Variants in CCDC3 observed in about 807,000 individuals in gnomAD.
CCDC3 encodes the protein coiled-coil domain containing 3, also known as coiled-coil domain-containing protein 3.
CCDC3 carries 24 observed loss-of-function variants against 21.4 expected under a neutral mutation model. The observed-to-expected ratio is 1.12, with a 90% CI of 0.81 to 1.58. The LOEUF (loss-of-function observed/expected upper bound fraction) is 1.58. Among genes scored for constraint, CCDC3 ranks in the 40% most tolerant of loss-of-function variants. The probability of loss-of-function intolerance (pLI) is 0.00; values close to 1 mark genes in which losing one functional copy is unlikely to be tolerated. For missense variants in CCDC3, 425 were observed against 360.9 expected (o/e 1.18, Z -1.44); for synonymous variants, 186 against 166.0 (o/e 1.12, Z -0.93).
intron 5 of CCDC3, among the ~76,000 whole-genome samples, chr10:13,045,014 C>T (rs902137770): frequency 1.3e-5 from 2 of 152,092 alleles, no homozygotes; most frequent in African/African-American, 4.8e-5. Flanking sequence ...AATCTAAATG[C>T]CATAGCAATT....
chr10:12,987,161 G>T (rs536661074), intron 2 of CCDC3, among the ~76,000 whole-genome samples: 1 of 152,086 alleles, frequency 6.6e-6, no homozygotes. Flanking sequence ...TAAATTCATC[G>T]TCTCTCACCT....
chr10:13,043,479 G>A (rs1252032846), intron 5 of CCDC3, among the ~76,000 whole-genome samples: 1 of 152,144 alleles, frequency 6.6e-6, no homozygotes, highest in African/African-American at 2.4e-5. Flanking sequence ...TGTAGTCGCA[G>A]CTACTCGAGA....
intron 2 of CCDC3, among the ~76,000 whole-genome samples, chr10:12,947,364 T>C (rs1269240773): frequency 6.6e-6 from 1 of 152,094 alleles, no homozygotes; most frequent in African/African-American, 2.4e-5. Flanking sequence ...GCCAGGCTGG[T>C]CTGGAACTCC....
chr10:12,991,035 G>A (rs916227732), intron 2 of CCDC3, among the ~76,000 whole-genome samples: 1 of 152,170 alleles, frequency 6.6e-6, no homozygotes, highest in Non-Finnish European at 1.5e-5. Flanking sequence ...CATCTCTAAG[G>A]AATGAGTATC....
intron 2 of CCDC3, among the ~76,000 whole-genome samples, chr10:12,994,469 A>G (rs139493042): frequency 4.4e-4 from 67 of 152,148 alleles, no homozygotes; most frequent in African/African-American, 1.5e-3. Context: ...CCAGGAGCAC[A>G]TGGGATGCCT....
intron 2 of CCDC3, among the ~76,000 whole-genome samples, chr10:12,956,705 G>C (rs1439998958): frequency 2.6e-5 from 4 of 152,138 alleles, no homozygotes; most frequent in Non-Finnish European, 2.9e-5. Context: ...CCTCTTCTTA[G>C]CTAGGTCTCA....
chr10:13,004,592 C>T (rs144661952), upstream of CCDC3, among the ~76,000 whole-genome samples: 16 of 118,282 alleles, frequency 1.4e-4, no homozygotes, highest in Admixed American at 2.3e-4. Context: ...GGAAAAGGTC[C>T]GATGGAATCA....
intron 2 of CCDC3, among the ~76,000 whole-genome samples, chr10:12,948,162 A>G (rs1288635479): frequency 6.6e-6 from 1 of 152,064 alleles, no homozygotes; most frequent in East Asian, 1.9e-4. Flanking sequence ...TGATGGTTTT[A>G]TAAAGGGCAG....
intron 3 of CCDC3, among the ~76,000 whole-genome samples, chr10:13,090,202 C>T (rs1419265340): frequency 6.6e-6 from 1 of 151,246 alleles, no homozygotes; most frequent in Admixed American, 6.6e-5. Context: ...GAGTCCCCTG[C>T]CTCAGCCTCC....
chr10:12,982,614 T>C (rs1235802718), intron 2 of CCDC3, among the ~76,000 whole-genome samples: 1 of 150,870 alleles, frequency 6.6e-6, no homozygotes, highest in Non-Finnish European at 1.5e-5. Context: ...ACCAACATGG[T>C]GAAATCCCAT....
chr10:12,944,487 G>C (rs1358743672), intron 2 of CCDC3, among the ~76,000 whole-genome samples: 1 of 152,190 alleles, frequency 6.6e-6, no homozygotes, highest in Non-Finnish European at 1.5e-5. Context: ...GCTTTCCTGG[G>C]CCGAATCAAT....
chr10:12,998,293 C>CT (rs1260950020), intron 2 of CCDC3, 45 bp downstream of exon 2: 27 of 1,587,484 alleles, frequency 1.7e-5, no homozygotes, highest in Non-Finnish European at 2.1e-5. Flanking sequence ...CAAGGTGTAG[C>CT]TATACTATTG....
At chr10:13,083,983 C>A (rs1298434935) in intron 3 of CCDC3, among the ~76,000 whole-genome samples, 2 of 152,162 alleles carry the variant, frequency 1.3e-5, no homozygotes, top group Admixed American at 6.5e-5. Flanking sequence ...TACCAAGGAA[C>A]AAGCATTCTG....
intron 2 of CCDC3, among the ~76,000 whole-genome samples, chr10:12,974,899 C>T (rs1422409659): frequency 6.6e-6 from 1 of 152,168 alleles, no homozygotes; most frequent in African/African-American, 2.4e-5. Context: ...TTTTTGAGAA[C>T]CCACTATGCA....
rs535867496 is a variant in CCDC3 at position 12,904,213 on chromosome 10, TC to T, written c.550-5535del. On this transcript the variant is annotated intron_variant, in intron 2 of 2. Transcript: ENST00000378825. ...CGGGCATGGTGGCTCTCGCCTGTAA[TC>T]CCAGCACTTTGCGAGGCTGAGGTGG... is the stretch of plus-strand genomic sequence containing the variant. Among the ~76,000 whole-genome samples, 67 of 152,104 alleles carry T rather than the reference TC, an allele frequency of 4.4e-4. 1 individual carries two copies. In the South Asian group the frequency reaches 0.014, roughly 31 times the overall value.
chr10:12,998,121 T>C (rs1181705640), intron 2 of CCDC3, among the ~76,000 whole-genome samples: 1 of 152,184 alleles, frequency 6.6e-6, no homozygotes, highest in Non-Finnish European at 1.5e-5. Flanking sequence ...AAGAACTCCT[T>C]ATCCAACAGT....
intron 2 of CCDC3, among the ~76,000 whole-genome samples, chr10:12,904,102 AT>A (rs1327148352): frequency 2.0e-5 from 3 of 151,936 alleles, no homozygotes; most frequent in African/African-American, 7.3e-5. Flanking sequence ...TCCCGTGAGT[AT>A]TTCATGGGAG....
At chr10:13,065,194 G>A (rs1836808416) in intron 4 of CCDC3, among the ~76,000 whole-genome samples, 1 of 152,144 alleles carries the variant, frequency 6.6e-6, no homozygotes, top group African/African-American at 2.4e-5. Context: ...AGATTAACCT[G>A]CCTCTCTTGG....
chr10:13,028,417 T>C (rs537146206), intron 5 of CCDC3, among the ~76,000 whole-genome samples: 2 of 152,316 alleles, frequency 1.3e-5, no homozygotes, highest in African/African-American at 4.8e-5. Flanking sequence ...TATGTATTTA[T>C]TAGCAGCATG....
Sources: gnomAD v4.1 joint callset for allele counts (sites outside exome capture counted in the v4.1 genomes callset) on GRCh38, gnomAD v4.1.1 for gene constraint, MANE v1.5 for transcripts, NCBI Gene and HGNC (gene_info 2026-07-23, HGNC 2026-07-21) for gene names.